Variants in SIAH2 observed in about 807,000 individuals in gnomAD.
SIAH2 encodes E3 ubiquitin-protein ligase SIAH2.
A neutral mutation model predicts 20.4 loss-of-function variants in SIAH2; 4 were observed. The ratio of observed to expected loss-of-function variants is 0.20; its 90% confidence interval spans 0.10 to 0.45. The LOEUF is 0.45. SIAH2 is among the 20% of genes least tolerant of loss of function. The pLI is 0.99. For missense variants in SIAH2, 259 were observed against 440.3 expected (o/e 0.59, Z 3.69); for synonymous variants, 171 against 192.5 (o/e 0.89, Z 0.93).
In SIAH2 at chr3:150,742,510, G is replaced by A. The variant is rs763115582; in HGVS notation, c.606C>T (p.Asp202=). 6.2e-6 allele frequency: 10 copies of A among 1,614,184 alleles called. No homozygotes were observed. In the East Asian group the frequency reaches 2.2e-4, roughly 36 times the overall value. The stretch of plus-strand genomic sequence containing the variant: ...TAATGTCTGTAGCTAGAAAGACGAT[G>A]TCTTCTCCCTGAAGGGTGGTAATGC... ...HKSITTLQGE[D]IVFLATDINL... The change falls in exon 2 of 2, where the codon GAC becomes GAT. Residue 202 remains aspartate (D), a synonymous_variant. Coordinates refer to ENST00000312960, the MANE Select transcript of SIAH2 (RefSeq NM_005067.7). This position sits in a 1 kb window ranked among gnomAD's most constrained non-coding sequence, Gnocchi z 4.8.
chr3:150,759,451 T>A (rs908722367), intron 1 of SIAH2, among the ~76,000 whole-genome samples: 4 of 152,112 alleles, frequency 2.6e-5, no homozygotes. Context: ...TTTGGGATGG[T>A]CCCATAAGAG....
At chr3:150,760,339 C>G (rs1329172361) in intron 1 of SIAH2, among the ~76,000 whole-genome samples, 1 of 152,180 alleles carries the variant, frequency 6.6e-6, no homozygotes, top group Non-Finnish European at 1.5e-5. Flanking sequence ...ATAATTGGCC[C>G]TTTTAAATTT....
intron 1 of SIAH2, among the ~76,000 whole-genome samples, chr3:150,752,814 G>A (rs969613132): frequency 6.6e-6 from 1 of 152,172 alleles, no homozygotes; most frequent in Non-Finnish European, 1.5e-5. Context: ...GCCACTCCTT[G>A]GGTCTAGAAT....
At chr3:150,753,220 C>T (rs910313599) in intron 1 of SIAH2, among the ~76,000 whole-genome samples, 8 of 152,044 alleles carry the variant, frequency 5.3e-5, no homozygotes, top group South Asian at 2.1e-4. Flanking sequence ...TTCAGAAAGA[C>T]GAGAGGGGTG....
intron 1 of SIAH2, chr3:150,761,870 G>C (rs1445463688): frequency 6.5e-6 from 1 of 153,428 alleles, no homozygotes; most frequent in Non-Finnish European, 1.5e-5. Flanking sequence ...GGCTAGGAGA[G>C]AAAAAGGCGT....
chr3:150,750,104 G>T (rs77380342), intron 1 of SIAH2, among the ~76,000 whole-genome samples: 2,048 of 152,298 alleles, frequency 0.013, 39 homozygotes, highest in African/African-American at 0.047. Context: ...GCAAATGGGA[G>T]TTGGCAGCTA....
At chr3:150,750,539 C>T (rs1342819669) in intron 1 of SIAH2, among the ~76,000 whole-genome samples, 2 of 152,190 alleles carry the variant, frequency 1.3e-5, no homozygotes, top group East Asian at 1.9e-4. Context: ...GAAAGTGTTT[C>T]ACATATTTTA....
intron 1 of SIAH2, among the ~76,000 whole-genome samples, chr3:150,753,597 C>A (rs1490122093): frequency 6.6e-6 from 1 of 152,104 alleles, no homozygotes; most frequent in Non-Finnish European, 1.5e-5. Flanking sequence ...TGTTCAAGAC[C>A]AGCCTGGGCA....
intron 1 of SIAH2, among the ~76,000 whole-genome samples, chr3:150,751,249 T>C (rs1714352793): frequency 1.3e-5 from 2 of 151,984 alleles, no homozygotes; most frequent in Admixed American, 6.5e-5. Flanking sequence ...CTGGGCAACA[T>C]GGTGAAACCC....
At chr3:150,758,925 A>T (rs991551200) in intron 1 of SIAH2, among the ~76,000 whole-genome samples, 1 of 151,934 alleles carries the variant, frequency 6.6e-6, no homozygotes, top group South Asian at 2.1e-4. Context: ...TTGTATTTTT[A>T]GTAGAAACGG....
intron 1 of SIAH2, among the ~76,000 whole-genome samples, chr3:150,761,003 ACT>A (rs1251845469): frequency 6.6e-6 from 1 of 152,182 alleles, no homozygotes; most frequent in Non-Finnish European, 1.5e-5. Flanking sequence ...ACCGATTCAA[ACT>A]CTTATTTAAA....
In SIAH2 at chr3:150,762,494, G is replaced by C; in HGVS notation, c.356C>G (p.Thr119Arg). 6.2e-7 allele frequency: 1 copy of C among 1,613,588 alleles called. No individual in the cohort carries two copies. The highest frequency in any genetic ancestry group is 8.5e-7 in the Non-Finnish European group (1 of 1,179,902). ...CATAGCCAGGTTCCTGATGCTGGGC[G>C]TCAGGGCGCCCCTGCACGTCGGGCA... ...SCCPTCRGAL[T>R]PSIRNLAMEK... is the part of the protein sequence containing the mutation. The change falls in exon 1 of 2, where the codon ACG becomes AGG. Residue 119 changes from threonine (T) to arginine (R), a missense_variant. This residue lies in a region of SIAH2 where 160 missense variants were observed against 327.6 expected (regional missense o/e 0.49). Transcript: ENST00000312960. The surrounding 1 kb of genome is among the most constrained non-coding windows in gnomAD (Gnocchi z 6.6).
Position 150,762,343 on chromosome 3 carries a change from C to T in SIAH2, c.417+90G>A. 6.7e-7 allele frequency: 1 copy of T among 1,499,612 alleles called. No individual in the cohort carries two copies. The highest frequency in any genetic ancestry group is 8.9e-7 in the Non-Finnish European group (1 of 1,129,488). The allele number at this position is 1,499,612 out of a possible 1,614,324, so 92.9% of individuals were successfully genotyped here. ...TTTTTTTTTTTTAAATGAGAGATGC[C>T]GCCCGCCTCTCCGGGCCTGCGAGTG... On this transcript the variant is annotated intron_variant, in intron 1 of 1. Coordinates refer to ENST00000312960, the MANE Select transcript of SIAH2 (RefSeq NM_005067.7). The surrounding 1 kb of genome is among the most constrained non-coding windows in gnomAD (Gnocchi z 6.6).
At chr3:150,745,480 C>T (rs972308214) in intron 1 of SIAH2, among the ~76,000 whole-genome samples, 12 of 151,748 alleles carry the variant, frequency 7.9e-5, no homozygotes, top group African/African-American at 2.9e-4. Flanking sequence ...GGCCCCTGGC[C>T]TTGGGCTTGT....
chr3:150,761,185 T>A (rs770898632), intron 1 of SIAH2, among the ~76,000 whole-genome samples: 19 of 152,194 alleles, frequency 1.2e-4, no homozygotes, highest in Non-Finnish European at 2.1e-4. Context: ...ACAGCTTAAA[T>A]GGCCCAAGAG....
intron 1 of SIAH2, among the ~76,000 whole-genome samples, chr3:150,749,369 G>A (rs1217362855): frequency 6.6e-6 from 1 of 151,976 alleles, no homozygotes; most frequent in East Asian, 1.9e-4. Flanking sequence ...GCCAGGCCTT[G>A]TGGTGCACAC....
chr3:150,758,673 C>T (rs1424313653), intron 1 of SIAH2, among the ~76,000 whole-genome samples: 7 of 149,870 alleles, frequency 4.7e-5, no homozygotes, highest in East Asian at 2.0e-4. Context: ...TGGGTTCAAG[C>T]GATTCTCCTG....
chr3:150,760,075 T>C (rs988190519), intron 1 of SIAH2, among the ~76,000 whole-genome samples: 2 of 152,218 alleles, frequency 1.3e-5, no homozygotes, highest in African/African-American at 4.8e-5. Context: ...GTTTTAAGTT[T>C]GATACAGGCC....
At chr3:150,760,574 C>A (rs989955050) in intron 1 of SIAH2, among the ~76,000 whole-genome samples, 3 of 152,248 alleles carry the variant, frequency 2.0e-5, no homozygotes, top group African/African-American at 7.2e-5. Context: ...ATAACTGTTT[C>A]CTTCCCTTTC....
Sources: allele counts gnomAD v4.1 joint callset (sites outside exome capture counted in the v4.1 genomes callset), GRCh38; gene constraint gnomAD v4.1.1; regional missense constraint gnomAD v4.1.1; non-coding constraint Gnocchi (gnomAD v3.1); transcripts MANE v1.5; gene names NCBI Gene and HGNC (gene_info 2026-07-23, HGNC 2026-07-21).